COL11A2: variants seen among roughly 807,000 people sequenced by gnomAD.
COL11A2 encodes the protein collagen alpha-2(XI) chain.
Under a neutral mutation model 273.4 loss-of-function variants are expected in COL11A2, and 116 were observed. The ratio of observed to expected loss-of-function variants is 0.42; its 90% CI spans 0.36 to 0.49. COL11A2 has a LOEUF of 0.49. Ranked by LOEUF, COL11A2 falls within the 20% of genes least tolerant of loss-of-function variation. The pLI, the probability that COL11A2 is intolerant of heterozygous loss-of-function variation, is 0.00. For synonymous variants in COL11A2, 782 were observed against 864.2 expected, an observed-to-expected ratio of 0.90 and a Z score of 1.67; for missense variants, 1,866 against 2,309.0, an observed-to-expected ratio of 0.81 and a Z score of 3.93.
rs368543321 is a variant in COL11A2, at chr6:33,167,441, C to T, written c.4107G>A (p.Gly1369=). The T allele has an allele frequency of 2.7e-5, 43 of 1,612,768 alleles. No individual in the cohort carries two copies. The highest frequency in any genetic ancestry group is 2.0e-4 in the African/African-American group (15 of 74,920). ...AGKPGPDGLR[G]LPGSVGQQGR... The stretch of plus-strand genomic sequence containing the variant: ...AGTGACTCACCACTGAGCCTGGGAG[C>T]CCCCTCAGACCATCAGGGCCAGGTT... The change falls in exon 56 of 66, where the codon GGG becomes GGA. Residue 1369 remains glycine (G), a synonymous_variant. Transcript: ENST00000341947. This position sits in a 1 kb window ranked among gnomAD's most constrained non-coding sequence, Gnocchi z 6.1.
In COL11A2 at chr6:33,173,405, G is replaced by A. The variant is rs1770417107; in HGVS notation, c.2683-4C>T. The A allele has an allele frequency of 1.2e-6, 2 of 1,613,144 alleles. No homozygotes were observed. Among genetic ancestry groups the A allele is most frequent in the South Asian group, 1.1e-5 (1 of 91,082 alleles). The stretch of plus-strand genomic sequence containing the variant: ...GCCCATCCTTCCCAGGGGGGCCCTG[G>A]AAGGGGTTCAGTTGTCAGGTGAACT... On this transcript the variant is annotated splice_region_variant and splice_polypyrimidine_tract_variant and intron_variant, in intron 36 of 65. Coordinates refer to ENST00000341947, the MANE Select transcript of COL11A2 (RefSeq NM_080680.3). This position sits in a 1 kb window ranked among gnomAD's most constrained non-coding sequence, Gnocchi z 6.3.
At position 33,166,397 on chromosome 6, in the gene COL11A2, G is replaced by C; in HGVS notation, c.4392+116C>G. The C allele has an allele frequency of 7.4e-7, 1 of 1,345,884 alleles. No homozygotes were observed. The highest frequency in any genetic ancestry group is 1.0e-6 in the Non-Finnish European group (1 of 968,748). 83.4% of individuals were successfully genotyped at this position (1,345,884 alleles called of 1,614,324 possible). A position where few individuals can be genotyped will look rare whatever the true frequency, so the allele number is the denominator to read the frequency against. On this transcript the variant is annotated intron_variant, in intron 60 of 65. Transcript: ENST00000341947. This position sits in a 1 kb window ranked among gnomAD's most constrained non-coding sequence, Gnocchi z 4.8. Reference sequence around the variant, plus strand: ...GTACTGGTGGTGACAGGACAAATGGGGGACCCTGAGGACTATGCTTGTTAG... The same window carrying C: ...GTACTGGTGGTGACAGGACAAATGGCGGACCCTGAGGACTATGCTTGTTAG...
chr6:33,190,711 C>G lies in COL11A2; in HGVS notation c.83-1242G>C, dbSNP rs1395096719. Among the ~76,000 whole-genome samples the G allele has an allele frequency of 6.6e-6, 1 of 152,072 alleles. No homozygotes were observed. The highest frequency in any genetic ancestry group is 1.9e-4 in the East Asian group (1 of 5,184). ...AACCCCCACCTAAGCCTGGCCCCTG[C>G]GCGTGTGGCAGCTCCGCAAACACCA... On this transcript the variant is annotated intron_variant, in intron 1 of 65. Coordinates refer to ENST00000341947, the MANE Select transcript of COL11A2 (RefSeq NM_080680.3). The surrounding 1 kb of genome is among the most constrained non-coding windows in gnomAD (Gnocchi z 4.5).
rs1011933007 is a variant in COL11A2, at chr6:33,177,563, G to T, written c.1918-98C>A. ...CCAGCAGCGATAGCCAAGAAGGCAA[G>T]AGCAGGAAGCAGGCAGGGGTCAAAA... On this transcript the variant is annotated intron_variant, in intron 22 of 65. Coordinates refer to ENST00000341947, the MANE Select transcript of COL11A2 (RefSeq NM_080680.3). The surrounding 1 kb of genome is among the most constrained non-coding windows in gnomAD (Gnocchi z 5.9). 29 of 1,586,680 alleles carry T rather than the reference G, an allele frequency of 1.8e-5. No individual in the cohort carries two copies. The highest frequency in any genetic ancestry group is 2.5e-5 in the Non-Finnish European group (29 of 1,157,482).
Position 33,164,306 on chromosome 6 carries a change from C to A in COL11A2, c.5031G>T (p.Glu1677Asp), listed in dbSNP as rs1279705980. Residue 1677 changes from glutamate (E) to aspartate (D), a missense_variant, in exon 65 of 66, where the codon GAG becomes GAT. Coordinates refer to ENST00000341947, the MANE Select transcript of COL11A2 (RefSeq NM_080680.3). This position sits in a 1 kb window ranked among gnomAD's most constrained non-coding sequence, Gnocchi z 4.7. ...TGAATTCTTTGACATAGGGGCTAGT[C>A]TCCGGGCTCAGCTCATCCTCATTGG... Reference protein sequence around the residue: ...RGANEDELSPETSPYVKEFRD... With the variant: ...RGANEDELSPDTSPYVKEFRD... 8.7e-6 allele frequency: 14 copies of A among 1,613,010 alleles called. No homozygotes were observed. Among genetic ancestry groups the A allele is most frequent in the Non-Finnish European group, 1.2e-5 (14 of 1,180,012 alleles).
chr6:33,169,097 A>G lies in COL11A2; in HGVS notation c.3799-89T>C. 1 of 1,318,270 alleles carries G rather than the reference A, an allele frequency of 7.6e-7. No homozygotes were observed. The highest frequency in any genetic ancestry group is 1.5e-5 in the African/African-American group (1 of 67,490). 81.7% of individuals were successfully genotyped at this position (1,318,270 alleles called of 1,614,324 possible). On this transcript the variant is annotated intron_variant, in intron 51 of 65. Coordinates refer to ENST00000341947, the MANE Select transcript of COL11A2 (RefSeq NM_080680.3). The surrounding 1 kb of genome is among the most constrained non-coding windows in gnomAD (Gnocchi z 5.5). ...CACAGGCACACGCCACTGCCTCTCTAGAGGCAGTGCCCACCAGTACCCCCC... is the reference window on the plus strand; with the variant it reads ...CACAGGCACACGCCACTGCCTCTCTGGAGGCAGTGCCCACCAGTACCCCCC...
At chr6:33,191,252 C>T (rs533583752) in intron 1 of COL11A2, among the ~76,000 whole-genome samples, 7 of 152,330 alleles carry the variant, frequency 4.6e-5, no homozygotes, top group Non-Finnish European at 1.0e-4. Flanking sequence ...GTAATCTAAT[C>T]TAAATCTTTT....
At chr6:33,185,871 G>A (rs1177132670) in intron 5 of COL11A2, 93 bp from the exon 6 acceptor site, 1 of 470,168 alleles carries the variant, frequency 2.1e-6, no homozygotes, top group Admixed American at 2.2e-5. Flanking sequence ...AAGATGGTGT[G>A]GGAGTTGGGA....
At position 33,178,597 on chromosome 6, in the gene COL11A2, C is replaced by T. The variant is rs1009160380; in HGVS notation, c.1719+82G>A. 72 of 1,607,000 alleles carry T rather than the reference C, an allele frequency of 4.5e-5. No homozygotes were observed. The highest frequency in any genetic ancestry group is 5.8e-5 in the Non-Finnish European group (68 of 1,175,070). Reference sequence around the variant, plus strand: ...TACTTTCACTGAGCTCCTGCCAAGCCTCCAGCCTCCCTTCCCTACCTATCC... The same window carrying T: ...TACTTTCACTGAGCTCCTGCCAAGCTTCCAGCCTCCCTTCCCTACCTATCC... On this transcript the variant is annotated intron_variant, in intron 18 of 65. Coordinates refer to ENST00000341947, the MANE Select transcript of COL11A2 (RefSeq NM_080680.3). This position sits in a 1 kb window ranked among gnomAD's most constrained non-coding sequence, Gnocchi z 4.6.
chr6:33,180,852 G>T, intron 10 of COL11A2, 112 bp downstream of exon 10: 1 of 1,550,284 alleles, frequency 6.5e-7, no homozygotes, highest in Non-Finnish European at 8.9e-7. Flanking sequence ...TGATTGGAGG[G>T]ATGCTCCCGA....
rs1411399171 is a variant in COL11A2, at chr6:33,176,882, C to G, written c.2070+110G>C. On this transcript the variant is annotated intron_variant, in intron 25 of 65. Transcript: ENST00000341947. This position sits in a 1 kb window ranked among gnomAD's most constrained non-coding sequence, Gnocchi z 4.9. ...CCTAGTGAAGCCAACTGTCCATGGACAAGCACCACCAGTGACCTTTCAGTG... is the reference window on the plus strand; with the variant it reads ...CCTAGTGAAGCCAACTGTCCATGGAGAAGCACCACCAGTGACCTTTCAGTG... 9 of 1,532,552 alleles carry G rather than the reference C, an allele frequency of 5.9e-6. No individual in the cohort carries two copies. In the East Asian group the frequency reaches 2.1e-4, roughly 35 times the overall value. The allele number at this position is 1,532,552 out of a possible 1,614,324, so 94.9% of individuals were successfully genotyped here.
Position 33,172,012 on chromosome 6 carries a change from C to A in COL11A2, c.3042+38G>T, listed in dbSNP as rs1285198217. The A allele has an allele frequency of 2.5e-6, 4 of 1,612,114 alleles. No homozygotes were observed. In the African/African-American group the frequency reaches 5.3e-5, roughly 22 times the overall value. ...CCACCCTTCCTCACCCACCCCTTTC[C>A]CGGGTCCTTCCTACCACTTCCGGAA... On this transcript the variant is annotated intron_variant, in intron 41 of 65. Transcript: ENST00000341947.
At position 33,164,578 on chromosome 6, in the gene COL11A2, G is replaced by C; in HGVS notation, c.4864-105C>G. ...GCATCTACGGCACCAGGACAGCTGA[G>C]CCAGAGTCATGAGCAGGGAATGGCT... On this transcript the variant is annotated intron_variant, in intron 64 of 65. Transcript: ENST00000341947. The surrounding 1 kb of genome is among the most constrained non-coding windows in gnomAD (Gnocchi z 4.7). 1 of 1,005,318 alleles carries C rather than the reference G, an allele frequency of 9.9e-7. No homozygotes were observed. Among genetic ancestry groups the C allele is most frequent in the East Asian group, 2.6e-5 (1 of 37,984 alleles). The allele number at this position is 1,005,318 out of a possible 1,614,324, so 62.3% of individuals were successfully genotyped here.
rs753285131 is a variant in COL11A2 at position 33,177,469 on chromosome 6, G to C, written c.1918-4C>G. On this transcript the variant is annotated splice_polypyrimidine_tract_variant and splice_region_variant and intron_variant, in intron 22 of 65. Coordinates refer to ENST00000341947, the MANE Select transcript of COL11A2 (RefSeq NM_080680.3). The surrounding 1 kb of genome is among the most constrained non-coding windows in gnomAD (Gnocchi z 5.9). ...GTCCTGGCTCTCCCTGGGGTCCCTA[G>C]AAACAGGTGACCAGGCACAGGTCAG... 6.2e-7 allele frequency: 1 copy of C among 1,612,844 alleles called. No individual in the cohort carries two copies. The highest frequency in any genetic ancestry group is 8.5e-7 in the Non-Finnish European group (1 of 1,179,988).
At position 33,178,301 on chromosome 6, in the gene COL11A2, C is replaced by T. The variant is rs962042793; in HGVS notation, c.1818+7G>A. On this transcript the variant is annotated splice_region_variant and intron_variant, in intron 20 of 65. Transcript: ENST00000341947. The surrounding 1 kb of genome is among the most constrained non-coding windows in gnomAD (Gnocchi z 4.6). ...CCCTCCCCCAGCACCAGCCCTTGGA[C>T]ACTCACCGACTCTCCAGGCAGCCCT... The T allele has an allele frequency of 1.2e-6, 2 of 1,612,880 alleles. No homozygotes were observed. The highest frequency in any genetic ancestry group is 1.7e-5 in the Admixed American group (1 of 60,012).
rs192219284 is a variant in COL11A2 at position 33,181,129 on chromosome 6, C to G, written c.1161G>C (p.Glu387Asp). 1.9e-6 allele frequency: 3 copies of G among 1,614,056 alleles called. No individual in the cohort carries two copies. The South Asian group carries it at 3.3e-5, about 18-fold the overall frequency. ...AACTTACAGGTTCCAACACTGCAGG[C>G]TCTCCTTTCTCTCCCTTCAGCCCTC... Reference protein sequence around the residue: ...GPRGLKGEKGEPAVLEPGMLV... With the variant: ...GPRGLKGEKGDPAVLEPGMLV... The change falls in exon 9 of 66, where the codon GAG (glutamate) becomes GAC (aspartate). Residue 387 changes from glutamate (E) to aspartate (D), a missense_variant. Transcript: ENST00000341947.
At position 33,186,651 on chromosome 6, in the gene COL11A2, T is replaced by C; in HGVS notation, c.774A>G (p.Pro258=). The C allele has an allele frequency of 6.2e-7, 1 of 1,614,134 alleles. No individual in the cohort carries two copies. The highest frequency in any genetic ancestry group is 2.2e-5 in the East Asian group (1 of 44,870). The change falls in exon 5 of 66, where the codon CCA becomes CCG. Residue 258 remains proline (P), a synonymous_variant. Coordinates refer to ENST00000341947, the MANE Select transcript of COL11A2 (RefSeq NM_080680.3). ...CCTGGCTCTGGGGTTCCTGATTTTG[T>C]GGCCTGTGAAGTCTTGATGGTTGCT... ...PQQQPSRLHR[P]QNQEPQSQPT...
In COL11A2 at chr6:33,177,095, C is replaced by G; in HGVS notation, c.2017-50G>C. 6.2e-7 allele frequency: 1 copy of G among 1,611,514 alleles called. No homozygotes were observed. The highest frequency in any genetic ancestry group is 8.5e-7 in the Non-Finnish European group (1 of 1,178,780). ...GGTCACTAGAGGGGTCATGTCTGGA[C>G]ACAGACAAAATCCCAGCAGACATTT... On this transcript the variant is annotated intron_variant, in intron 24 of 65. Coordinates refer to ENST00000341947, the MANE Select transcript of COL11A2 (RefSeq NM_080680.3). The surrounding 1 kb of genome is among the most constrained non-coding windows in gnomAD (Gnocchi z 5.9).
In COL11A2 at chr6:33,164,754, G is replaced by T; in HGVS notation, c.4863+98C>A. The T allele has an allele frequency of 9.4e-7, 1 of 1,065,716 alleles. No homozygotes were observed. The highest frequency in any genetic ancestry group is 1.4e-6 in the Non-Finnish European group (1 of 716,400). The allele number at this position is 1,065,716 out of a possible 1,614,324, so 66.0% of individuals were successfully genotyped here. A position where few individuals can be genotyped will look rare whatever the true frequency, so the allele number is the denominator to read the frequency against. On this transcript the variant is annotated intron_variant, in intron 64 of 65. Transcript: ENST00000341947. This position sits in a 1 kb window ranked among gnomAD's most constrained non-coding sequence, Gnocchi z 4.7. The stretch of plus-strand genomic sequence containing the variant: ...GAAGGGGTGGCAGGCTCCGGGGGGG[G>T]CAACAGCCAGGGGACTGTCACCAAA...
Sources: allele counts gnomAD v4.1 joint callset (sites outside exome capture counted in the v4.1 genomes callset), GRCh38; gene constraint gnomAD v4.1.1; non-coding constraint Gnocchi (gnomAD v3.1); transcripts MANE v1.5; gene names NCBI Gene and HGNC (gene_info 2026-07-23, HGNC 2026-07-21).